The following NDUFA11 variants were observed in gnomAD, a reference collection of about 807,000 sequenced individuals.
NDUFA11 encodes NADH:ubiquinone oxidoreductase subunit A11, also known as NADH dehydrogenase [ubiquinone] 1 alpha subcomplex subunit 11.
Under a neutral mutation model 11.3 loss-of-function variants are expected in NDUFA11, and 14 were observed. The ratio of observed to expected loss-of-function variants is 1.24; its 90% CI spans 0.82 to 1.94. The LOEUF is 1.94. Ranked by LOEUF, NDUFA11 falls within the 30% of genes most tolerant of loss-of-function variation. The pLI is 0.00. For missense variants in NDUFA11, 204 were observed against 200.3 expected, an observed-to-expected ratio of 1.02 and a Z score of -0.11; for synonymous variants, 87 against 85.6, an observed-to-expected ratio of 1.02 and a Z score of -0.09.
intron 1 of NDUFA11, among the ~76,000 whole-genome samples, chr19:5,901,907 G>A (rs146480385): frequency 0.024 from 3,625 of 149,136 alleles, 113 homozygotes; most frequent in South Asian, 0.084. Flanking sequence ...TCCTGACCTC[G>A]TGATCCACCT....
chr19:5,895,064 C>T (rs1287628723), intron 3 of NDUFA11: 4 of 602,992 alleles, frequency 6.6e-6, no homozygotes, highest in African/African-American at 1.9e-5. Flanking sequence ...GGTTGCTTCC[C>T]AGCAGGAACC....
downstream of NDUFA11, among the ~76,000 whole-genome samples, chr19:5,893,630 C>T (rs939856084): frequency 6.6e-6 from 1 of 152,074 alleles, no homozygotes; most frequent in Non-Finnish European, 1.5e-5. This position sits in a 1 kb window ranked among gnomAD's most constrained non-coding sequence, Gnocchi z 4.1. Context: ...ATTAACCAGG[C>T]ATAGTGGCGG....
chr19:5,892,766 A>G (rs1427509249), downstream of NDUFA11: 3 of 1,062,332 alleles, frequency 2.8e-6, no homozygotes, highest in Non-Finnish European at 3.8e-6. Context: ...CCTCGAGTGG[A>G]TGCGATGCCC....
chr19:5,901,482 C>T (rs1428976225), intron 1 of NDUFA11: 2 of 1,282,958 alleles, frequency 1.6e-6, no homozygotes, highest in Middle Eastern at 3.3e-4. Flanking sequence ...ACAATAACGT[C>T]TGTCTTACTA....
intron 1 of NDUFA11, among the ~76,000 whole-genome samples, chr19:5,899,148 CTT>C (rs550114615): frequency 6.5e-5 from 9 of 139,162 alleles, no homozygotes; most frequent in South Asian, 2.3e-4. Flanking sequence ...TATGAAGATT[CTT>C]TTTTTTTTTT....
At chr19:5,895,684 G>C (rs1428351018) in intron 3 of NDUFA11, 2 of 153,146 alleles carry the variant, frequency 1.3e-5, no homozygotes, top group African/African-American at 4.8e-5. Flanking sequence ...GCGGGCTGGG[G>C]GTAGGCCAGG....
downstream of NDUFA11, chr19:5,892,769 C>G (rs1183318288): frequency 9.2e-7 from 1 of 1,084,174 alleles, no homozygotes; most frequent in Non-Finnish European, 1.2e-6. Flanking sequence ...CGAGTGGATG[C>G]GATGCCCGTG....
Position 5,903,624 on chromosome 19 carries a change from C to T in NDUFA11, c.85G>A (p.Ala29Thr). The change falls in exon 1 of 4, where the codon GCC (alanine) becomes ACC (threonine). Residue 29 changes from alanine to threonine, a missense_variant. Ala to Thr is a moderately conservative substitution (Grantham distance 58). Coordinates refer to ENST00000308961, the MANE Select transcript of NDUFA11 (RefSeq NM_175614.5). ...HRKAYSTTSI[A>T]SVAGLTAAAY... ...GGCCGGCGCTCACCAGCGACGCTGG[C>T]AATACTGGTGGTGCTGTAGGCTTTG... 6.4e-7 allele frequency: 1 copy of T among 1,551,050 alleles called. No homozygotes were observed. Among genetic ancestry groups the T allele is most frequent in the Non-Finnish European group, 8.7e-7 (1 of 1,146,902 alleles).
chr19:5,892,759 C>CGAGTGGATGCGATGCCCGT, downstream of NDUFA11: 2 of 999,296 alleles, frequency 2.0e-6, no homozygotes, highest in South Asian at 5.5e-5. Context: ...CCGGTGCCCT[C>CGAGTGGATGCGATGCCCGT]GAGTGGATGC....
At position 5,896,415 on chromosome 19, in the gene NDUFA11, G is replaced by A; in HGVS notation, c.313+38C>T. On this transcript the variant is annotated intron_variant, in intron 3 of 3. Coordinates refer to ENST00000308961, the MANE Select transcript of NDUFA11 (RefSeq NM_175614.5). The surrounding 1 kb of genome is among the most constrained non-coding windows in gnomAD (Gnocchi z 5.8). ...CAGAGGTCAGGGGTCATTCTGCCAG[G>A]CTGGGAGGAGGGTGGGGGTGGGGAG... The A allele has an allele frequency of 1.3e-6, 2 of 1,539,508 alleles. No homozygotes were observed. The highest frequency in any genetic ancestry group is 1.8e-6 in the Non-Finnish European group (2 of 1,139,554).
chr19:5,903,730 A>G lies in NDUFA11; in HGVS notation c.-22T>C. The stretch of plus-strand genomic sequence containing the variant: ...CCATAGCCCGCAATCTCGATCCCGC[A>G]CCACGGACCCCGCCAGCTCGGGAAG... On this transcript the variant is annotated 5_prime_UTR_variant, in exon 1 of 4. Coordinates refer to ENST00000308961, the MANE Select transcript of NDUFA11 (RefSeq NM_175614.5). 1 of 1,550,436 alleles carries G rather than the reference A, an allele frequency of 6.4e-7. No individual in the cohort carries two copies. Among genetic ancestry groups the G allele is most frequent in the East Asian group, 2.4e-5 (1 of 40,912 alleles).
chr19:5,895,952 A>T (rs2057605190), intron 3 of NDUFA11: 1 of 198,362 alleles, frequency 5.0e-6, no homozygotes, highest in African/African-American at 2.3e-5. Flanking sequence ...GTGCAGGGAG[A>T]GAGATGGCAG....
chr19:5,893,322 G>A, downstream of NDUFA11: 1 of 917,946 alleles, frequency 1.1e-6, no homozygotes. The surrounding 1 kb of genome is among the most constrained non-coding windows in gnomAD (Gnocchi z 4.1). Context: ...ACAATTAGCT[G>A]GCTGTAGTGG....
At chr19:5,895,114 C>G in intron 3 of NDUFA11, 1 of 510,394 alleles carries the variant, frequency 2.0e-6, no homozygotes, top group Admixed American at 3.3e-5. Flanking sequence ...CTGACTTCCC[C>G]CTGCGAGGAC....
chr19:5,896,474 C>A lies in NDUFA11; in HGVS notation c.292G>T (p.Gly98Cys), dbSNP rs909115934. 3.8e-6 allele frequency: 6 copies of A among 1,573,024 alleles called. No homozygotes were observed. In the African/African-American group the frequency reaches 8.1e-5, roughly 21 times the overall value. Residue 98 changes from glycine to cysteine, a missense_variant, in exon 3 of 4, where the codon GGC (glycine) becomes TGC (cysteine). Coordinates refer to ENST00000308961, the MANE Select transcript of NDUFA11 (RefSeq NM_175614.5). This position sits in a 1 kb window ranked among gnomAD's most constrained non-coding sequence, Gnocchi z 5.8. ...LNYFLGGCAG[G>C]LTLGARTHNY... ...TCACTGCGTGCTCCCAGAGTCAGGC[C>A]TCCGGCGCAGCCACCGAGGAAGTAG... is the stretch of plus-strand genomic sequence containing the variant.
chr19:5,899,523 T>A (rs1461053298), intron 1 of NDUFA11, among the ~76,000 whole-genome samples: 5 of 146,070 alleles, frequency 3.4e-5, no homozygotes. Context: ...GGTGCAAACT[T>A]GGCTCACTGC....
intron 1 of NDUFA11, chr19:5,901,323 C>G: frequency 7.8e-7 from 1 of 1,281,912 alleles, no homozygotes; most frequent in South Asian, 1.2e-5. Flanking sequence ...CTTGAAGACC[C>G]TCGATAAGGA....
Position 5,896,103 on chromosome 19 carries a change from C to A in NDUFA11, c.313+350G>T. On this transcript the variant is annotated intron_variant, in intron 3 of 3. Coordinates refer to ENST00000308961, the MANE Select transcript of NDUFA11 (RefSeq NM_175614.5). The surrounding 1 kb of genome is among the most constrained non-coding windows in gnomAD (Gnocchi z 5.8). Reference sequence around the variant, plus strand: ...AGGGCGGCGGGGATGCTGGCTTGTACACAGGGTGGTCAGGACAGTGAGGGG... The same window carrying A: ...AGGGCGGCGGGGATGCTGGCTTGTAAACAGGGTGGTCAGGACAGTGAGGGG... The A allele has an allele frequency of 2.0e-6, 1 of 511,816 alleles. No individual in the cohort carries two copies. 31.7% of individuals were successfully genotyped at this position (511,816 alleles called of 1,614,324 possible).
chr19:5,903,608 T>A lies in NDUFA11; in HGVS notation c.97+4A>T. The A allele has an allele frequency of 6.5e-7, 1 of 1,550,064 alleles. No homozygotes were observed. ...TCCACCCTCGGGGCCCGGCCGGCGC[T>A]CACCAGCGACGCTGGCAATACTGGT... is the stretch of plus-strand genomic sequence containing the variant. On this transcript the variant is annotated splice_donor_region_variant and intron_variant, in intron 1 of 3. Transcript: ENST00000308961.
Sources: gnomAD v4.1 joint callset for allele counts (sites outside exome capture counted in the v4.1 genomes callset) on GRCh38, gnomAD v4.1.1 for gene constraint, Gnocchi (gnomAD v3.1) non-coding constraint, MANE v1.5 for transcripts, NCBI Gene and HGNC (gene_info 2026-07-23, HGNC 2026-07-21) for gene names.